ZNF470: variants seen among roughly 807,000 people sequenced by gnomAD.
ZNF470 encodes the protein zinc finger protein 470.
ZNF470 carries 13 observed loss-of-function variants against 13.9 expected under a neutral mutation model. The ratio of observed to expected loss-of-function variants is 0.94; its 90% confidence interval spans 0.61 to 1.49. ZNF470 has a LOEUF of 1.49. Among genes scored for constraint, ZNF470 ranks in the 40% most tolerant of loss-of-function variants. ZNF470 has a pLI of 0.00. For missense variants in ZNF470, 929 were observed against 857.3 expected (o/e 1.08, Z -1.04); for synonymous variants, 293 against 282.9 (o/e 1.04, Z -0.36).
At position 56,580,225 on chromosome 19, in the gene ZNF470, T is replaced by C. The variant is rs1332675103; in HGVS notation, c.*1642T>C. 1.1e-6 allele frequency: 1 copy of C among 901,442 alleles called. No individual in the cohort carries two copies. The allele number at this position is 901,442 out of a possible 1,614,324, so 55.8% of individuals were successfully genotyped here. A position where few individuals can be genotyped will look rare whatever the true frequency, so the allele number is the denominator to read the frequency against. On this transcript the variant is annotated 3_prime_UTR_variant, in exon 6 of 6. Transcript: ENST00000330619. ...ACAAAAGGCATAATGAAAATAGTCATGATAGTCCCAAGGCAGATATTGTTT... is the reference window on the plus strand; with the variant it reads ...ACAAAAGGCATAATGAAAATAGTCACGATAGTCCCAAGGCAGATATTGTTT...
rs1235269529 is a variant in ZNF470, at chr19:56,578,235, C to T, written c.1806C>T (p.Phe602=). 1 of 1,613,950 alleles carries T rather than the reference C, an allele frequency of 6.2e-7. No individual in the cohort carries two copies. Among genetic ancestry groups the T allele is most frequent in the African/African-American group, 1.3e-5 (1 of 75,030 alleles). Residue 602 remains phenylalanine, a synonymous_variant, in exon 6 of 6, where the codon TTC becomes TTT. Coordinates refer to ENST00000330619, the MANE Select transcript of ZNF470 (RefSeq NM_001001668.4). ...AATGTCTTGAATGTGGGAAGGCATT[C>T]AGGCAGAGGGCATCCTTGATTTGTC... ...PYECLECGKA[F]RQRASLICHQ...
At position 56,582,333 on chromosome 19, in the gene ZNF470, A is replaced by G. The variant is rs993425197; in HGVS notation, c.*3750A>G. The G allele has an allele frequency of 3.2e-5, 32 of 985,294 alleles. No individual in the cohort carries two copies. Among genetic ancestry groups the G allele is most frequent in the Non-Finnish European group, 3.7e-5 (31 of 829,938 alleles). The allele number at this position is 985,294 out of a possible 1,614,324, so 61.0% of individuals were successfully genotyped here. A position where few individuals can be genotyped will look rare whatever the true frequency, so the allele number is the denominator to read the frequency against. On this transcript the variant is annotated 3_prime_UTR_variant, in exon 6 of 6. Transcript: ENST00000330619. The stretch of plus-strand genomic sequence containing the variant: ...AAAGTTTAGCTCTTGAATTTCTAGC[A>G]TTAAGGCAAAAAAAATTCACCTAAG...
intron 3 of ZNF470, among the ~76,000 whole-genome samples, chr19:56,571,840 A>C (rs547944856): frequency 1.3e-3 from 198 of 147,914 alleles, no homozygotes; most frequent in African/African-American, 4.4e-3. Context: ...CTAGTCTCAA[A>C]CTCCTGACCT....
intron 1 of ZNF470, among the ~76,000 whole-genome samples, 186 bp from the exon 2 acceptor site, chr19:56,568,572 A>T (rs2044428148): frequency 6.6e-6 from 1 of 152,110 alleles, no homozygotes; most frequent in Non-Finnish European, 1.5e-5. Flanking sequence ...ATAAAGAGAA[A>T]GGGGGAGGAA....
At position 56,574,256 on chromosome 19, in the gene ZNF470, C is replaced by T. The variant is rs73938005; in HGVS notation, c.61-138C>T. On this transcript the variant is annotated intron_variant, in intron 3 of 5. Transcript: ENST00000330619. ...AAGTTGTCCAATAACTTACCTGACC[C>T]GGATCATTTAGACCCTTAGTGCAGT... The T allele has an allele frequency of 2.1e-3, 2,844 of 1,347,564 alleles. 56 individuals carry two copies. The African/African-American group carries it at 0.035, about 17-fold the overall frequency. The allele number at this position is 1,347,564 out of a possible 1,614,324, so 83.5% of individuals were successfully genotyped here. A position where few individuals can be genotyped will look rare whatever the true frequency, so the allele number is the denominator to read the frequency against.
chr19:56,571,469 A>G (rs913413834), intron 3 of ZNF470, among the ~76,000 whole-genome samples: 14 of 152,358 alleles, frequency 9.2e-5, no homozygotes, highest in African/African-American at 3.4e-4. Context: ...CTTCAGAGCT[A>G]CAGTTCATGT....
In ZNF470 at chr19:56,577,448, A is replaced by G. The variant is rs1005358299; in HGVS notation, c.1019A>G (p.Tyr340Cys). 12 of 1,613,614 alleles carry G rather than the reference A, an allele frequency of 7.4e-6. No individual in the cohort carries two copies. The highest frequency in any genetic ancestry group is 4.5e-5 in the East Asian group (2 of 44,884). The change falls in exon 6 of 6, where the codon TAT (tyrosine) becomes TGT (cysteine). Residue 340 changes from tyrosine to cysteine, a missense_variant. By Grantham distance (194) the Tyr-to-Cys change is radical (BLOSUM62 -2). Coordinates refer to ENST00000330619, the MANE Select transcript of ZNF470 (RefSeq NM_001001668.4). ...AGGGTCCACACTGGAGAGAAACCCT[A>G]TGAATGTATTGAATGTGGGAAGGCT... ...HQRVHTGEKP[Y>C]ECIECGKAFS...
Position 56,577,041 on chromosome 19 carries a change from A to G in ZNF470, c.612A>G (p.Thr204=). The part of the protein sequence containing the change: ...PMEERIFNFH[T]DKKSLKTHSV... The stretch of plus-strand genomic sequence containing the variant: ...AAGAGAGAATATTTAATTTTCATAC[A>G]GATAAGAAAAGCTTAAAAACACATT... Residue 204 remains threonine, a synonymous_variant, in exon 6 of 6, where the codon ACA becomes ACG. Transcript: ENST00000330619. 6.3e-7 allele frequency: 1 copy of G among 1,581,452 alleles called. No individual in the cohort carries two copies. Among genetic ancestry groups the G allele is most frequent in the Non-Finnish European group, 8.6e-7 (1 of 1,169,234 alleles).
chr19:56,578,323 C>T lies in ZNF470; in HGVS notation c.1894C>T (p.His632Tyr). The part of the protein sequence containing the change: ...ECNVCGKAFS[H>Y]RKSLTLHQRI... The stretch of plus-strand genomic sequence containing the variant: ...TAATGTTTGTGGGAAAGCCTTTAGC[C>T]ATCGTAAATCCCTTACTCTGCATCA... The change falls in exon 6 of 6, where the codon CAT becomes TAT. Residue 632 changes from histidine (H) to tyrosine (Y), a missense_variant. Physicochemically the swap from His to Tyr is moderately conservative, Grantham distance 83. Transcript: ENST00000330619. 1 of 1,612,938 alleles carries T rather than the reference C, an allele frequency of 6.2e-7. No individual in the cohort carries two copies. The highest frequency in any genetic ancestry group is 8.5e-7 in the Non-Finnish European group (1 of 1,179,428).
Position 56,576,832 on chromosome 19 carries a change from T to C in ZNF470, c.403T>C (p.Leu135=). 1 of 1,589,450 alleles carries C rather than the reference T, an allele frequency of 6.3e-7. No individual in the cohort carries two copies. Among genetic ancestry groups the C allele is most frequent in the African/African-American group, 1.4e-5 (1 of 73,274 alleles). The change falls in exon 6 of 6, where the codon TTA becomes CTA. Residue 135 remains leucine (L), a synonymous_variant. Transcript: ENST00000330619. ...LKSYDLECST[L]GKNWKCEDLF... ...AAGCTATGACCTTGAATGTTCAACA[T>C]TAGGGAAAAACTGGAAATGTGAAGA...
chr19:56,576,611 C>A lies in ZNF470; in HGVS notation c.284-102C>A, dbSNP rs995935. ...AGAACCATAAAAACATGTACCTCTG[C>A]TTGTGGGTTTCAATAACTATGTGAT... On this transcript the variant is annotated intron_variant, in intron 5 of 5. Coordinates refer to ENST00000330619, the MANE Select transcript of ZNF470 (RefSeq NM_001001668.4). 3.1e-3 allele frequency: 2,951 copies of A among 953,060 alleles called. 63 individuals carry two copies. In the African/African-American group the frequency reaches 0.043, roughly 14 times the overall value. The allele number at this position is 953,060 out of a possible 1,614,324, so 59.0% of individuals were successfully genotyped here. A position where few individuals can be genotyped will look rare whatever the true frequency, so the allele number is the denominator to read the frequency against.
At chr19:56,568,704 A>G (rs193209543) in intron 1 of ZNF470, 54 bp from the exon 2 acceptor site, 1 of 152,332 alleles carries the variant, frequency 6.6e-6, no homozygotes, top group African/African-American at 2.4e-5. Context: ...TGGGAGTATC[A>G]GCACCAAACT....
Position 56,579,811 on chromosome 19 carries a change from T to G in ZNF470, c.*1228T>G. On this transcript the variant is annotated 3_prime_UTR_variant, in exon 6 of 6. Transcript: ENST00000330619. ...CTGATAAAAATATTTCTCCCTAAAT[T>G]GTAAATTCATTGATATTCCAGTAAA... 1 of 881,848 alleles carries G rather than the reference T, an allele frequency of 1.1e-6. No individual in the cohort carries two copies. The highest frequency in any genetic ancestry group is 1.4e-6 in the Non-Finnish European group (1 of 735,786). The allele number at this position is 881,848 out of a possible 1,614,324, so 54.6% of individuals were successfully genotyped here. A position where few individuals can be genotyped will look rare whatever the true frequency, so the allele number is the denominator to read the frequency against.
In ZNF470 at chr19:56,570,193, G is replaced by C; in HGVS notation, c.-32-87G>C. On this transcript the variant is annotated intron_variant, in intron 2 of 5. Transcript: ENST00000330619. ...GAGTTGGAGTGAGGACTGTGAGTGA[G>C]GACAGAAGAAGCTGAAGGGAAGAAA... 4 of 899,122 alleles carry C rather than the reference G, an allele frequency of 4.4e-6. No homozygotes were observed. The South Asian group carries it at 6.0e-5, about 13-fold the overall frequency. 55.7% of individuals were successfully genotyped at this position (899,122 alleles called of 1,614,324 possible).
At chr19:56,574,209 T>G in intron 3 of ZNF470, 185 bp from the exon 4 acceptor site, 1 of 982,018 alleles carries the variant, frequency 1.0e-6, no homozygotes, top group Non-Finnish European at 1.6e-6. Flanking sequence ...TTTCCTAATA[T>G]GTACAGCATA....
At position 56,567,498 on chromosome 19, in the gene ZNF470, T is replaced by A. The variant is rs1202997950; in HGVS notation, c.-699T>A. 1 of 985,732 alleles carries A rather than the reference T, an allele frequency of 1.0e-6. No individual in the cohort carries two copies. The highest frequency in any genetic ancestry group is 4.7e-5 in the South Asian group (1 of 21,314). 61.1% of individuals were successfully genotyped at this position (985,732 alleles called of 1,614,324 possible). A position where few individuals can be genotyped will look rare whatever the true frequency, so the allele number is the denominator to read the frequency against. On this transcript the variant is annotated 5_prime_UTR_variant, in exon 1 of 6. Transcript: ENST00000330619. ...CGGAAAGGACCCAAAGCCGGGCGAG[T>A]GCACGTCCCGCCGGTTGCTGAGGAG...
chr19:56,567,606 G>C lies in ZNF470; in HGVS notation c.-591G>C. 1 of 988,618 alleles carries C rather than the reference G, an allele frequency of 1.0e-6. No individual in the cohort carries two copies. The highest frequency in any genetic ancestry group is 5.2e-4 in the Middle Eastern group (1 of 1,926). The allele number at this position is 988,618 out of a possible 1,614,324, so 61.2% of individuals were successfully genotyped here. On this transcript the variant is annotated 5_prime_UTR_variant, in exon 1 of 6. Coordinates refer to ENST00000330619, the MANE Select transcript of ZNF470 (RefSeq NM_001001668.4). ...GTCCTGGTTCCTGTGTGGGCGGCGG[G>C]CGTGAGCGTGCGCGTGTGGCCTGGT...
At position 56,582,131 on chromosome 19, in the gene ZNF470, T is replaced by A; in HGVS notation, c.*3548T>A. On this transcript the variant is annotated 3_prime_UTR_variant, in exon 6 of 6. Transcript: ENST00000330619. ...GATGAGATGGGGCGAATAAGACTTA[T>A]ATTCTAGACTGGAAAGCATCTCATG... 1 of 985,434 alleles carries A rather than the reference T, an allele frequency of 1.0e-6. No homozygotes were observed. Among genetic ancestry groups the A allele is most frequent in the Non-Finnish European group, 1.2e-6 (1 of 829,916 alleles). 61.0% of individuals were successfully genotyped at this position (985,434 alleles called of 1,614,324 possible). A position where few individuals can be genotyped will look rare whatever the true frequency, so the allele number is the denominator to read the frequency against.
rs773785609 is a variant in ZNF470, at chr19:56,576,861, G to A, written c.432G>A (p.Leu144=). 3 of 1,594,896 alleles carry A rather than the reference G, an allele frequency of 1.9e-6. No individual in the cohort carries two copies. Reference sequence around the variant, plus strand: ...GGAAAAACTGGAAATGTGAAGACTTGTTTGAGAGGGAGCTTGTAAACCAGA... The same window carrying A: ...GGAAAAACTGGAAATGTGAAGACTTATTTGAGAGGGAGCTTGTAAACCAGA... ...TLGKNWKCED[L]FERELVNQKT... Residue 144 remains leucine, a synonymous_variant, in exon 6 of 6, where the codon TTG becomes TTA. Coordinates refer to ENST00000330619, the MANE Select transcript of ZNF470 (RefSeq NM_001001668.4).
Sources: gnomAD v4.1 joint callset for allele counts (sites outside exome capture counted in the v4.1 genomes callset) on GRCh38, gnomAD v4.1.1 for gene constraint, MANE v1.5 for transcripts, NCBI Gene and HGNC (gene_info 2026-07-23, HGNC 2026-07-21) for gene names.